The following PDE4D variants were observed in gnomAD, a reference collection of about 807,000 sequenced individuals.
PDE4D encodes the protein 3',5'-cyclic-AMP phosphodiesterase 4D.
Under a neutral mutation model 87.4 loss-of-function variants are expected in PDE4D, and 24 were observed. The ratio of observed to expected loss-of-function variants is 0.27; its 90% CI spans 0.20 to 0.39. The LOEUF (loss-of-function observed/expected upper bound fraction) is 0.39. PDE4D is among the 10% of genes least tolerant of loss of function. The pLI is 1.00. For missense variants in PDE4D, 714 were observed against 1,041.0 expected, an observed-to-expected ratio of 0.69 and a Z score of 4.32; for synonymous variants, 384 against 383.2, an observed-to-expected ratio of 1.00 and a Z score of -0.02.
intron 5 of PDE4D, among the ~76,000 whole-genome samples, chr5:59,100,905 T>C (rs1770626164): frequency 6.6e-6 from 1 of 152,166 alleles, no homozygotes; most frequent in Non-Finnish European, 1.5e-5. Flanking sequence ...CCTCAGGGAT[T>C]ATTCAGTCTA....
chr5:59,260,127 C>CT (rs1357667322), intron 1 of PDE4D, among the ~76,000 whole-genome samples: 2 of 151,746 alleles, frequency 1.3e-5, no homozygotes, highest in African/African-American at 4.8e-5. Context: ...TCCTGAGAGT[C>CT]TTTTTTTCTT....
At chr5:59,813,652 TAA>T (rs1768633546) in intron 1 of PDE4D, among the ~76,000 whole-genome samples, 1 of 152,190 alleles carries the variant, frequency 6.6e-6, no homozygotes, top group Non-Finnish European at 1.5e-5. Flanking sequence ...AACATTTGAC[TAA>T]GAGTCTAGCA....
chr5:59,251,071 A>G (rs1759845663), intron 1 of PDE4D, among the ~76,000 whole-genome samples: 2 of 152,202 alleles, frequency 1.3e-5, no homozygotes, highest in Non-Finnish European at 2.9e-5. Flanking sequence ...AAACTATAGA[A>G]ACCCTGGAAG....
At chr5:59,404,368 C>A (rs1791227621) in intron 1 of PDE4D, among the ~76,000 whole-genome samples, 1 of 152,120 alleles carries the variant, frequency 6.6e-6, no homozygotes, top group Admixed American at 6.6e-5. Flanking sequence ...CTCAAAAAAT[C>A]TTTGCTCAGG....
intron 1 of PDE4D, among the ~76,000 whole-genome samples, chr5:59,351,900 T>C (rs1474355909): frequency 6.6e-6 from 1 of 152,120 alleles, no homozygotes; most frequent in African/African-American, 2.4e-5. Context: ...GTTAGAACAA[T>C]ACCTCTCATT....
At chr5:59,080,822 A>G (rs1766602697) in intron 5 of PDE4D, among the ~76,000 whole-genome samples, 1 of 152,190 alleles carries the variant, frequency 6.6e-6, no homozygotes, top group Non-Finnish European at 1.5e-5. Context: ...AGACCATGAA[A>G]CATGTTATAA....
chr5:59,019,966 G>C (rs1341591062), intron 6 of PDE4D, among the ~76,000 whole-genome samples: 1 of 151,968 alleles, frequency 6.6e-6, no homozygotes, highest in Non-Finnish European at 1.5e-5. Flanking sequence ...AGAACCTCTG[G>C]AGCAGATACA....
intron 2 of PDE4D, among the ~76,000 whole-genome samples, chr5:60,182,653 C>T (rs928906640): frequency 3.3e-5 from 5 of 151,944 alleles, no homozygotes; most frequent in African/African-American, 1.2e-4. Context: ...CCGAGGCGGG[C>T]GGATCACGAG....
At chr5:60,255,354 C>T (rs1386778359) in intron 1 of PDE4D, among the ~76,000 whole-genome samples, 4 of 151,792 alleles carry the variant, frequency 2.6e-5, no homozygotes, top group Non-Finnish European at 4.4e-5. Flanking sequence ...TACCAAGAGG[C>T]GACTTGACCA....
intron 1 of PDE4D, among the ~76,000 whole-genome samples, chr5:59,555,558 G>T (rs1818761718): frequency 6.6e-6 from 1 of 152,066 alleles, no homozygotes; most frequent in South Asian, 2.1e-4. Context: ...ATCTGTTTGT[G>T]GAAAAACAGC....
chr5:60,322,955 A>G (rs1756449847), intron 1 of PDE4D, among the ~76,000 whole-genome samples: 1 of 152,230 alleles, frequency 6.6e-6, no homozygotes, highest in Admixed American at 6.5e-5. Context: ...ATTGCTGACC[A>G]TCCGATCTTT....
chr5:59,860,166 C>T (rs1315737388), intron 1 of PDE4D, among the ~76,000 whole-genome samples: 1 of 152,080 alleles, frequency 6.6e-6, no homozygotes, highest in Non-Finnish European at 1.5e-5. Flanking sequence ...AATAATGGCT[C>T]TCATGGCTTT....
At chr5:59,317,995 T>C (rs1774060184) in intron 1 of PDE4D, among the ~76,000 whole-genome samples, 1 of 152,168 alleles carries the variant, frequency 6.6e-6, no homozygotes, top group Non-Finnish European at 1.5e-5. Context: ...TATGAACTTT[T>C]GTTTGTCCGT....
rs11346574 is a variant in PDE4D, at chr5:59,204,193, C to CA, written c.648-10658dup. 4.1e-3 allele frequency among the ~76,000 whole-genome samples: 546 copies of CA among 133,810 alleles called. 2 individuals are homozygous for CA. Among genetic ancestry groups the CA allele is most frequent in the Middle Eastern group, 0.016 (4 of 258 alleles). The allele number at this position is 133,810 out of a possible 152,430, so 87.8% of individuals were successfully genotyped here. A position where few individuals can be genotyped will look rare whatever the true frequency, so the allele number is the denominator to read the frequency against. ...ATTAGAGCCCGGCCCCATCTTTGAC[C>CA]AAAAAAAAAAAAAAAATCTTTCAAC... On this transcript the variant is annotated intron_variant, in intron 2 of 14. Transcript: ENST00000340635.
At chr5:60,484,474 T>C (rs1330521421) in intron 1 of PDE4D, among the ~76,000 whole-genome samples, 2 of 152,160 alleles carry the variant, frequency 1.3e-5, no homozygotes, top group Non-Finnish European at 2.9e-5. Context: ...AATTGAAAAT[T>C]TGCAAAGAAT....
At chr5:60,376,893 A>T (rs565905940) in intron 1 of PDE4D, among the ~76,000 whole-genome samples, 1 of 152,234 alleles carries the variant, frequency 6.6e-6, no homozygotes, top group East Asian at 1.9e-4. Context: ...GTCCTTCAAC[A>T]CTCAGTCTAA....
intron 3 of PDE4D, among the ~76,000 whole-genome samples, chr5:59,981,108 C>G (rs1303249364): frequency 1.3e-5 from 2 of 151,968 alleles, no homozygotes; most frequent in Non-Finnish European, 2.9e-5. Flanking sequence ...AAAAATTAGC[C>G]TGGTGTGGTG....
chr5:58,980,412 T>C (rs1462264966), intron 11 of PDE4D, among the ~76,000 whole-genome samples: 2 of 152,114 alleles, frequency 1.3e-5, no homozygotes, highest in Non-Finnish European at 2.9e-5. Context: ...ACCTGAGCAG[T>C]GAACACTAAA....
chr5:60,052,058 A>C (rs1303904108), intron 2 of PDE4D, among the ~76,000 whole-genome samples: 2 of 152,200 alleles, frequency 1.3e-5, no homozygotes, highest in African/African-American at 4.8e-5. Flanking sequence ...ATAGCTTACC[A>C]ATCATAAAAG....
Sources: gnomAD v4.1 joint callset for allele counts (sites outside exome capture counted in the v4.1 genomes callset) on GRCh38, gnomAD v4.1.1 for gene constraint, MANE v1.5 for transcripts, NCBI Gene and HGNC (gene_info 2026-07-23, HGNC 2026-07-21) for gene names.